Variants in LRFN2 observed in about 807,000 individuals in gnomAD.
The protein encoded by LRFN2 is leucine-rich repeat and fibronectin type-III domain-containing protein 2.
LRFN2 carries 18 observed loss-of-function variants against 37.3 expected under a neutral mutation model. The observed-to-expected ratio is 0.48, with a 90% CI of 0.33 to 0.72. The LOEUF (loss-of-function observed/expected upper bound fraction) is 0.72, where lower values mean the gene tolerates loss of function less well. Ranked by LOEUF, LRFN2 falls within the 30% of genes least tolerant of loss-of-function variation. The pLI is 0.02. For missense variants in LRFN2, 1,006 were observed against 1,060.7 expected, an observed-to-expected ratio of 0.95 and a Z score of 0.72; for synonymous variants, 556 against 466.6, an observed-to-expected ratio of 1.19 and a Z score of -2.47.
chr6:40,420,971 C>A (rs770623213), intron 2 of LRFN2, among the ~76,000 whole-genome samples: 14 of 152,306 alleles, frequency 9.2e-5, no homozygotes, highest in South Asian at 2.1e-4. Context: ...TGAGCATAGA[C>A]CATGTATCTG....
intron 1 of LRFN2, among the ~76,000 whole-genome samples, chr6:40,435,044 T>TAG (rs1157817201): frequency 2.5e-3 from 223 of 88,548 alleles, no homozygotes; most frequent in Non-Finnish European, 3.2e-3. Flanking sequence ...TATATATATA[T>TAG]ATATATATAG....
chr6:40,575,209 C>A (rs1422493166), intron 1 of LRFN2, among the ~76,000 whole-genome samples: 1 of 152,148 alleles, frequency 6.6e-6, no homozygotes, highest in Non-Finnish European at 1.5e-5. Flanking sequence ...CTAGTGAGGG[C>A]GGGCTGGAAC....
intron 2 of LRFN2, among the ~76,000 whole-genome samples, chr6:40,428,037 C>T (rs1763394229): frequency 6.6e-6 from 1 of 152,208 alleles, no homozygotes; most frequent in Admixed American, 6.5e-5. Context: ...TGTTTAACAC[C>T]TTGAGCAAGT....
At chr6:40,527,062 G>C (rs1766268535) in intron 1 of LRFN2, among the ~76,000 whole-genome samples, 3 of 152,168 alleles carry the variant, frequency 2.0e-5, no homozygotes, top group Non-Finnish European at 4.4e-5. Flanking sequence ...CTAAGGGAAG[G>C]GCCCCTAAAT....
intron 2 of LRFN2, among the ~76,000 whole-genome samples, chr6:40,414,022 G>A (rs997924857): frequency 1.3e-5 from 2 of 152,160 alleles, no homozygotes; most frequent in Admixed American, 6.5e-5. Flanking sequence ...CAAGACGCTC[G>A]TCTCACCCCC....
chr6:40,408,887 C>T (rs992456954), intron 2 of LRFN2, among the ~76,000 whole-genome samples: 12 of 152,144 alleles, frequency 7.9e-5, no homozygotes, highest in Non-Finnish European at 1.2e-4. Context: ...AAAACAGCAA[C>T]AAAATTTTCT....
At chr6:40,420,330 C>A (rs1561846551) in intron 2 of LRFN2, among the ~76,000 whole-genome samples, 1 of 152,254 alleles carries the variant, frequency 6.6e-6, no homozygotes, top group Non-Finnish European at 1.5e-5. Context: ...CCTTCTGTCA[C>A]CCACAGGGTG....
chr6:40,534,857 G>A (rs148997946), intron 1 of LRFN2, among the ~76,000 whole-genome samples: 2 of 152,212 alleles, frequency 1.3e-5, no homozygotes, highest in East Asian at 3.9e-4. Context: ...TAAATGCCAG[G>A]TGCCCCGCGC....
At chr6:40,455,231 T>C (rs1258105851) in intron 1 of LRFN2, among the ~76,000 whole-genome samples, 1 of 152,244 alleles carries the variant, frequency 6.6e-6, no homozygotes, top group Non-Finnish European at 1.5e-5. Context: ...TTTCTGTCAC[T>C]CCTCAATATG....
intron 2 of LRFN2, among the ~76,000 whole-genome samples, chr6:40,413,647 T>G (rs1246738653): frequency 1.3e-5 from 2 of 152,104 alleles, no homozygotes; most frequent in African/African-American, 2.4e-5. Flanking sequence ...GGAGAAGGGG[T>G]GGAAGGCATG....
At chr6:40,417,939 C>T (rs572905938) in intron 2 of LRFN2, among the ~76,000 whole-genome samples, 1 of 152,292 alleles carries the variant, frequency 6.6e-6, no homozygotes, top group South Asian at 2.1e-4. Flanking sequence ...TGATGCTATC[C>T]CTGCCTGCTG....
At chr6:40,455,736 G>A (rs547480035) in intron 1 of LRFN2, among the ~76,000 whole-genome samples, 2 of 152,208 alleles carry the variant, frequency 1.3e-5, no homozygotes, top group South Asian at 4.2e-4. Context: ...GGAGGAGGTG[G>A]GACTTGTCAA....
chr6:40,494,624 A>C lies in LRFN2; in HGVS notation c.-18-61493T>G, dbSNP rs577673783. Among the ~76,000 whole-genome samples the C allele has an allele frequency of 3.9e-5, 6 of 152,104 alleles. No individual in the cohort carries two copies. The South Asian group carries it at 1.2e-3, about 32-fold the overall frequency. ...TACCTGTTCAACACCCAGGCCCCTTAGTCCATTGTCCCTCTTAGCACCAAG... is the reference window on the plus strand; with the variant it reads ...TACCTGTTCAACACCCAGGCCCCTTCGTCCATTGTCCCTCTTAGCACCAAG... On this transcript the variant is annotated intron_variant, in intron 1 of 2. Coordinates refer to ENST00000338305, the MANE Select transcript of LRFN2 (RefSeq NM_020737.3).
chr6:40,406,662 T>C (rs566687417), intron 2 of LRFN2, among the ~76,000 whole-genome samples: 1 of 152,332 alleles, frequency 6.6e-6, no homozygotes, highest in East Asian at 1.9e-4. Flanking sequence ...GAGTGACTCA[T>C]GGGGGCCGTG....
chr6:40,495,286 A>G (rs899826869), intron 1 of LRFN2, among the ~76,000 whole-genome samples: 3 of 152,154 alleles, frequency 2.0e-5, no homozygotes, highest in East Asian at 1.9e-4. Context: ...GCTGACCTGC[A>G]TTTTCTCACT....
chr6:40,497,002 G>A (rs1000002717), intron 1 of LRFN2, among the ~76,000 whole-genome samples: 5 of 152,106 alleles, frequency 3.3e-5, no homozygotes, highest in African/African-American at 1.2e-4. Context: ...GGTGTCGGGT[G>A]ACTGGATGTA....
At chr6:40,518,957 G>A (rs1444321577) in intron 1 of LRFN2, among the ~76,000 whole-genome samples, 1 of 152,132 alleles carries the variant, frequency 6.6e-6, no homozygotes, top group Non-Finnish European at 1.5e-5. Context: ...GCAGCAGAGA[G>A]CTCAGCACGT....
chr6:40,520,345 G>A (rs909985), intron 1 of LRFN2, among the ~76,000 whole-genome samples: 72,551 of 151,810 alleles, frequency 0.48, 17,736 homozygotes, highest in Middle Eastern at 0.6. Context: ...GTGCAGGGAG[G>A]GGGAGCAAGC....
chr6:40,427,054 A>G (rs1763369775), intron 2 of LRFN2, among the ~76,000 whole-genome samples: 1 of 152,242 alleles, frequency 6.6e-6, no homozygotes, highest in Non-Finnish European at 1.5e-5. Context: ...GATGAGCCAG[A>G]TTTTCCTTAC....
Sources: allele counts gnomAD v4.1 joint callset (sites outside exome capture counted in the v4.1 genomes callset), GRCh38; gene constraint gnomAD v4.1.1; transcripts MANE v1.5; gene names NCBI Gene and HGNC (gene_info 2026-07-23, HGNC 2026-07-21).